Variants in CD276 observed in about 807,000 individuals in gnomAD.
CD276 encodes the protein CD276 antigen.
CD276 carries 34 observed loss-of-function variants against 50.0 expected under a neutral mutation model. The ratio of observed to expected loss-of-function variants is 0.68; its 90% confidence interval spans 0.52 to 0.91. The LOEUF (loss-of-function observed/expected upper bound fraction) is 0.91, where lower values mean the gene tolerates loss of function less well. Ranked by LOEUF, CD276 falls within the 40% of genes least tolerant of loss-of-function variation. The probability of loss-of-function intolerance (pLI) is 0.00; values close to 1 mark genes in which losing one functional copy is unlikely to be tolerated. For synonymous variants in CD276, 275 were observed against 313.0 expected (o/e 0.88, Z 1.28); for missense variants, 634 against 717.5 (o/e 0.88, Z 1.33).
At chr15:73,708,277 T>C in intron 6 of CD276, 62 bp from the exon 7 acceptor site, 1 of 1,586,128 alleles carries the variant, frequency 6.3e-7, no homozygotes, top group Non-Finnish European at 8.6e-7. Context: ...GAGCCAATGG[T>C]GCTGTCCTCC....
intron 8 of CD276, among the ~76,000 whole-genome samples, chr15:73,710,726 G>A (rs1411225916): frequency 6.6e-6 from 1 of 152,208 alleles, no homozygotes; most frequent in African/African-American, 2.4e-5. Context: ...GGGAGGGAGT[G>A]AGGAGAAGAG....
intron 7 of CD276, among the ~76,000 whole-genome samples, chr15:73,709,300 C>T (rs538156101): frequency 6.6e-6 from 1 of 151,608 alleles, no homozygotes; most frequent in African/African-American, 2.4e-5. Flanking sequence ...TGGTCTTTGG[C>T]TGGGTGAGTG....
chr15:73,694,851 G>C (rs1276624730), intron 1 of CD276, among the ~76,000 whole-genome samples: 1 of 152,216 alleles, frequency 6.6e-6, no homozygotes, highest in East Asian at 1.9e-4. Context: ...GGAAGAAGGG[G>C]AGAGCTGGGT....
Position 73,703,648 on chromosome 15 carries a change from C to T in CD276, c.734-11C>T. The T allele has an allele frequency of 6.3e-7, 1 of 1,598,294 alleles. No individual in the cohort carries two copies. The highest frequency in any genetic ancestry group is 1.7e-4 in the Middle Eastern group (1 of 5,994). On this transcript the variant is annotated splice_polypyrimidine_tract_variant and intron_variant, in intron 4 of 9. Coordinates refer to ENST00000318443, the MANE Select transcript of CD276 (RefSeq NM_001024736.2). ...CTCCTCACCACCCTGCCCCTCTGAC[C>T]CCGCCCCCAGGAGCCGTGGAGGTCC... is the stretch of plus-strand genomic sequence containing the variant.
intron 7 of CD276, among the ~76,000 whole-genome samples, chr15:73,709,033 A>C (rs1900771697): frequency 6.6e-6 from 1 of 152,122 alleles, no homozygotes; most frequent in Non-Finnish European, 1.5e-5. Context: ...GTAGATGGGT[A>C]GTCAGAGGCT....
In CD276 at chr15:73,714,073, C is replaced by T; in HGVS notation, c.*1117C>T. ...ACCCCCATCCCACCCATAATTCTTA[C>T]CCAGAGCATGGGGTTGGGGCGGAAA... On this transcript the variant is annotated 3_prime_UTR_variant, in exon 10 of 10. Transcript: ENST00000318443. 1.7e-5 allele frequency: 5 copies of T among 291,058 alleles called. No homozygotes were observed. Among genetic ancestry groups the T allele is most frequent in the South Asian group, 1.4e-4 (5 of 34,972 alleles). 18.0% of individuals were successfully genotyped at this position (291,058 alleles called of 1,614,324 possible).
chr15:73,689,412 G>C (rs769215774), intron 1 of CD276, among the ~76,000 whole-genome samples: 2 of 152,124 alleles, frequency 1.3e-5, no homozygotes, highest in Non-Finnish European at 2.9e-5. Flanking sequence ...CGGGACTGGG[G>C]AGTGGTGCCC....
At position 73,702,773 on chromosome 15, in the gene CD276, T is replaced by C; in HGVS notation, c.420T>C (p.Ala140=). 1.2e-6 allele frequency: 2 copies of C among 1,610,376 alleles called. No homozygotes were observed. The highest frequency in any genetic ancestry group is 1.7e-6 in the Non-Finnish European group (2 of 1,178,288). ...GSAAVSLQVA[A]PYSKPSMTLE... Reference sequence around the variant, plus strand: ...ACCCCTGCCCTCTGTCACCTCCAGCTCCCTACTCGAAGCCCAGCATGACCC... The same window carrying C: ...ACCCCTGCCCTCTGTCACCTCCAGCCCCCTACTCGAAGCCCAGCATGACCC... Residue 140 remains alanine (A), a splice_region_variant and synonymous_variant, in exon 4 of 10, where the codon GCT becomes GCC. Transcript: ENST00000318443.
In CD276 at chr15:73,710,957, G is replaced by C. The variant is rs374268881; in HGVS notation, c.1547-178G>C. Among the ~76,000 whole-genome samples the C allele has an allele frequency of 3.3e-5, 5 of 152,284 alleles. No individual in the cohort carries two copies. In the South Asian group the frequency reaches 1.0e-3, roughly 32 times the overall value. On this transcript the variant is annotated intron_variant, in intron 8 of 9. Transcript: ENST00000318443. Reference sequence around the variant, plus strand: ...ATGACAAGCCACAGAGTGGAACTGGGACCTGGGACTGGGGCTTGGGACAGC... The same window carrying C: ...ATGACAAGCCACAGAGTGGAACTGGCACCTGGGACTGGGGCTTGGGACAGC...
intron 8 of CD276, among the ~76,000 whole-genome samples, chr15:73,710,819 A>C: frequency 6.6e-6 from 1 of 152,134 alleles, no homozygotes; most frequent in East Asian, 1.9e-4. Flanking sequence ...AGCTTCTCAC[A>C]TCACCCTGTG....
chr15:73,684,900 G>T (rs1463571800), intron 1 of CD276: 1 of 152,776 alleles, frequency 6.5e-6, no homozygotes, highest in East Asian at 1.9e-4. Context: ...GCGCTGGGAG[G>T]TTAGCGGGGT....
chr15:73,697,227 C>T (rs1463537465), intron 1 of CD276, among the ~76,000 whole-genome samples: 2 of 152,098 alleles, frequency 1.3e-5, no homozygotes, highest in African/African-American at 4.8e-5. Context: ...GCTTTGAGGC[C>T]GGAAGCGTCT....
Position 73,704,654 on chromosome 15 carries a change from A to T in CD276, c.1369+182A>T, listed in dbSNP as rs1244446266. On this transcript the variant is annotated intron_variant, in intron 6 of 9. Transcript: ENST00000318443. The surrounding 1 kb of genome is among the most constrained non-coding windows in gnomAD (Gnocchi z 4.1). ...GGACTCGAGCTGATAAGAACCATTT[A>T]TAATGTTTGCCTTCCTAAGAGTGCT... 6.6e-6 allele frequency among the ~76,000 whole-genome samples: 1 copy of T among 152,188 alleles called. No individual in the cohort carries two copies.
chr15:73,688,992 A>G (rs1899872793), intron 1 of CD276, among the ~76,000 whole-genome samples: 1 of 152,180 alleles, frequency 6.6e-6, no homozygotes, highest in Admixed American at 6.5e-5. Context: ...AGCAGGACTC[A>G]GCAGATATTG....
intron 6 of CD276, among the ~76,000 whole-genome samples, chr15:73,705,204 C>T (rs1355939294): frequency 6.6e-6 from 1 of 152,202 alleles, no homozygotes; most frequent in Non-Finnish European, 1.5e-5. Flanking sequence ...GTATCTCTCC[C>T]TGGCCAACTG....
chr15:73,698,076 A>T (rs1900243074), intron 1 of CD276, among the ~76,000 whole-genome samples: 1 of 152,038 alleles, frequency 6.6e-6, no homozygotes, highest in Non-Finnish European at 1.5e-5. Flanking sequence ...GGTGGCTGGG[A>T]TTGGGAGCAG....
intron 1 of CD276, among the ~76,000 whole-genome samples, chr15:73,689,164 AC>A (rs1899879108): frequency 7.2e-6 from 1 of 139,232 alleles, no homozygotes; most frequent in Non-Finnish European, 1.5e-5. Context: ...TGTAGCTTTC[AC>A]TTTTTTCAGG....
At position 73,703,122 on chromosome 15, in the gene CD276, G is replaced by C. The variant is rs750387999; in HGVS notation, c.733+36G>C. 8 of 1,536,412 alleles carry C rather than the reference G, an allele frequency of 5.2e-6. No individual in the cohort carries two copies. The African/African-American group carries it at 6.9e-5, about 13-fold the overall frequency. ...TTAAATGTCCCCTTGGGGGAGGGGG[G>C]TTCTGCTTCTGTCGGCAGGGGTTGG... is the stretch of plus-strand genomic sequence containing the variant. On this transcript the variant is annotated intron_variant, in intron 4 of 9. Transcript: ENST00000318443.
chr15:73,708,558 C>T, intron 7 of CD276, 85 bp downstream of exon 7: 1 of 1,459,914 alleles, frequency 6.8e-7, no homozygotes, highest in East Asian at 2.4e-5. Flanking sequence ...AATAGAGTGT[C>T]ACTTTCTAGT....
Sources: allele counts gnomAD v4.1 joint callset (sites outside exome capture counted in the v4.1 genomes callset), GRCh38; gene constraint gnomAD v4.1.1; non-coding constraint Gnocchi (gnomAD v3.1); transcripts MANE v1.5; gene names NCBI Gene and HGNC (gene_info 2026-07-23, HGNC 2026-07-21).